The following CCR7 variants were observed in gnomAD, a reference collection of about 807,000 sequenced individuals.
CCR7 encodes the protein C-C chemokine receptor type 7.
A neutral mutation model predicts 26.0 loss-of-function variants in CCR7; 11 were observed. The observed-to-expected ratio is 0.42, with a 90% CI of 0.27 to 0.70. CCR7 has a LOEUF of 0.70. Ranked by LOEUF, CCR7 falls within the 30% of genes least tolerant of loss-of-function variation. The pLI is 0.23. For synonymous variants in CCR7, 189 were observed against 202.1 expected (o/e 0.94, Z 0.55); for missense variants, 360 against 504.0 (o/e 0.71, Z 2.74).
chr17:40,559,726 T>C (rs1163630153), intron 1 of CCR7, among the ~76,000 whole-genome samples: 1 of 152,134 alleles, frequency 6.6e-6, no homozygotes, highest in Non-Finnish European at 1.5e-5. Flanking sequence ...TGCCCCACAA[T>C]TGTGTGCTGA....
chr17:40,554,478 T>G lies in CCR7; in HGVS notation c.*264A>C. ...AGTTTCTGGACTTTCACTTTCAGTTTTTGGTTTAGGGGACAATAGCCTCTG... is the reference window on the plus strand; with the variant it reads ...AGTTTCTGGACTTTCACTTTCAGTTGTTGGTTTAGGGGACAATAGCCTCTG... On this transcript the variant is annotated 3_prime_UTR_variant, in exon 3 of 3. Coordinates refer to ENST00000246657, the MANE Select transcript of CCR7 (RefSeq NM_001838.4). 2.2e-6 allele frequency: 1 copy of G among 456,688 alleles called. No homozygotes were observed. Among genetic ancestry groups the G allele is most frequent in the East Asian group, 3.8e-5 (1 of 26,500 alleles). 28.3% of individuals were successfully genotyped at this position (456,688 alleles called of 1,614,324 possible). A position where few individuals can be genotyped will look rare whatever the true frequency, so the allele number is the denominator to read the frequency against.
chr17:40,560,798 T>G (rs1266346253), intron 1 of CCR7: 1 of 152,208 alleles, frequency 6.6e-6, no homozygotes, highest in Non-Finnish European at 1.5e-5. Context: ...CATTTTCTAT[T>G]CTGGGGACAG....
In CCR7 at chr17:40,555,846, G is replaced by C; in HGVS notation, c.61-28C>G. On this transcript the variant is annotated intron_variant, in intron 2 of 2. Transcript: ENST00000246657. This position sits in a 1 kb window ranked among gnomAD's most constrained non-coding sequence, Gnocchi z 5.6. Reference sequence around the variant, plus strand: ...TCGGGGAAGGAAATGAGGGAAAACAGGCCAGTTTAGCTGGGTGGCTCCAAC... The same window carrying C: ...TCGGGGAAGGAAATGAGGGAAAACACGCCAGTTTAGCTGGGTGGCTCCAAC... 6.5e-7 allele frequency: 1 copy of C among 1,537,902 alleles called. No homozygotes were observed. Among genetic ancestry groups the C allele is most frequent in the East Asian group, 2.3e-5 (1 of 44,442 alleles).
chr17:40,565,217 C>T (rs1438601998), intron 1 of CCR7, among the ~76,000 whole-genome samples, 183 bp downstream of exon 1: 1 of 152,094 alleles, frequency 6.6e-6, no homozygotes, highest in Non-Finnish European at 1.5e-5. Context: ...GCAGGTGCAC[C>T]CCTCCTGGGA....
At position 40,553,888 on chromosome 17, in the gene CCR7, T is replaced by C. The variant is rs978768753; in HGVS notation, c.*854A>G. 3.3e-5 allele frequency: 5 copies of C among 152,104 alleles called. No homozygotes were observed. The highest frequency in any genetic ancestry group is 9.7e-5 in the African/African-American group (4 of 41,436). 9.4% of individuals were successfully genotyped at this position (152,104 alleles called of 1,614,324 possible). A position where few individuals can be genotyped will look rare whatever the true frequency, so the allele number is the denominator to read the frequency against. ...CTCTTAACGAATCGAAAGCAGAACA[T>C]GAGGAGAGGTTTTCAGTCCCTGTGA... On this transcript the variant is annotated 3_prime_UTR_variant, in exon 3 of 3. Coordinates refer to ENST00000246657, the MANE Select transcript of CCR7 (RefSeq NM_001838.4).
chr17:40,557,041 A>G (rs2036594593), intron 2 of CCR7, among the ~76,000 whole-genome samples: 1 of 152,192 alleles, frequency 6.6e-6, no homozygotes, highest in African/African-American at 2.4e-5. Context: ...TGTCCCTGGA[A>G]GGAAGCGCAG....
chr17:40,555,379 T>A lies in CCR7; in HGVS notation c.500A>T (p.His167Leu). ...AIVQAVSAHR[H>L]RARVLLISKL... ...GCTGATGAGAAGGACGCGGGCACGGTGGCGGTGAGCTGAGACAGCCTGGAC... is the reference window on the plus strand; with the variant it reads ...GCTGATGAGAAGGACGCGGGCACGGAGGCGGTGAGCTGAGACAGCCTGGAC... Residue 167 changes from histidine (H) to leucine (L), a missense_variant, in exon 3 of 3, where the codon CAC becomes CTC. Physicochemically the swap from His to Leu is moderately conservative, Grantham distance 99. Coordinates refer to ENST00000246657, the MANE Select transcript of CCR7 (RefSeq NM_001838.4). The surrounding 1 kb of genome is among the most constrained non-coding windows in gnomAD (Gnocchi z 5.6). 5 of 1,614,024 alleles carry A rather than the reference T, an allele frequency of 3.1e-6. No individual in the cohort carries two copies. The highest frequency in any genetic ancestry group is 4.2e-6 in the Non-Finnish European group (5 of 1,180,020).
Position 40,554,327 on chromosome 17 carries a change from C to T in CCR7, c.*415G>A, listed in dbSNP as rs953600163. The T allele has an allele frequency of 1.2e-5, 2 of 163,660 alleles. No individual in the cohort carries two copies. The highest frequency in any genetic ancestry group is 1.9e-4 in the South Asian group (1 of 5,400). 10.1% of individuals were successfully genotyped at this position (163,660 alleles called of 1,614,324 possible). On this transcript the variant is annotated 3_prime_UTR_variant, in exon 3 of 3. Transcript: ENST00000246657. The stretch of plus-strand genomic sequence containing the variant: ...GGTCTTGGAGATAAGGCCTGGTTTT[C>T]GGAAGAGCTGGTCTGAGCATTTGAG...
chr17:40,554,388 T>TCGG lies in CCR7; in HGVS notation c.*353_*354insCCG. On this transcript the variant is annotated 3_prime_UTR_variant, in exon 3 of 3. Coordinates refer to ENST00000246657, the MANE Select transcript of CCR7 (RefSeq NM_001838.4). ...GCCAGAAGGTTCATTCAGAGGACTC[T>TCGG]TCAGGCCACTCCCACGCCCCTTGCA... is the stretch of plus-strand genomic sequence containing the variant. 3 of 240,866 alleles carry TCGG rather than the reference T, an allele frequency of 1.2e-5. No individual in the cohort carries two copies. Among genetic ancestry groups the TCGG allele is most frequent in the South Asian group, 7.6e-5 (1 of 13,188 alleles). The allele number at this position is 240,866 out of a possible 1,614,324, so 14.9% of individuals were successfully genotyped here.
chr17:40,562,482 G>A (rs1169793154), intron 1 of CCR7, among the ~76,000 whole-genome samples: 1 of 151,964 alleles, frequency 6.6e-6, no homozygotes, highest in South Asian at 2.1e-4. Context: ...CAACATCCCG[G>A]CCCCCAAAAG....
chr17:40,558,560 T>C (rs2036617641), intron 2 of CCR7, among the ~76,000 whole-genome samples: 1 of 152,116 alleles, frequency 6.6e-6, no homozygotes, highest in Non-Finnish European at 1.5e-5. Context: ...CCCAGTAACA[T>C]TTTTTGCTTT....
At position 40,565,300 on chromosome 17, in the gene CCR7, CT is replaced by C. The variant is rs1330436502; in HGVS notation, c.10+99del. 3.0e-5 allele frequency: 31 copies of C among 1,034,762 alleles called. No individual in the cohort carries two copies. In the Admixed American group the frequency reaches 4.9e-4, roughly 16 times the overall value. 64.1% of individuals were successfully genotyped at this position (1,034,762 alleles called of 1,614,324 possible). ...GAACTGATTTCTCCAGGAAGCACCC[CT>C]ATGCGCTCCACCCGCATCCTCCACC... is the stretch of plus-strand genomic sequence containing the variant. On this transcript the variant is annotated intron_variant, in intron 1 of 2. Coordinates refer to ENST00000246657, the MANE Select transcript of CCR7 (RefSeq NM_001838.4).
In CCR7 at chr17:40,558,841, T is replaced by C. The variant is rs1404871739; in HGVS notation, c.60+52A>G. ...CAGCTCCTCCACTAAACCCCTGACT[T>C]GGGAGGCCGTGTGGAGAAGGGAACA... is the stretch of plus-strand genomic sequence containing the variant. On this transcript the variant is annotated intron_variant, in intron 2 of 2. Transcript: ENST00000246657. The C allele has an allele frequency of 2.6e-6, 4 of 1,537,754 alleles. No homozygotes were observed. The African/African-American group carries it at 4.1e-5, about 16-fold the overall frequency.
Position 40,558,299 on chromosome 17 carries a change from G to A in CCR7, c.60+594C>T, listed in dbSNP as rs2036614491. On this transcript the variant is annotated intron_variant, in intron 2 of 2. Coordinates refer to ENST00000246657, the MANE Select transcript of CCR7 (RefSeq NM_001838.4). ...GGAGAAACAGAACTTTGTAAAGTGA[G>A]GGTCTTTGTTCCTGCCGAGTTCAGG... Among the ~76,000 whole-genome samples the A allele has an allele frequency of 2.6e-5, 4 of 152,294 alleles. No individual in the cohort carries two copies. In the South Asian group the frequency reaches 8.3e-4, roughly 32 times the overall value.
chr17:40,558,519 A>G (rs1381349110), intron 2 of CCR7, among the ~76,000 whole-genome samples: 2 of 152,206 alleles, frequency 1.3e-5, no homozygotes, highest in Non-Finnish European at 2.9e-5. Flanking sequence ...CGCCAGATCC[A>G]GGGTGATTTT....
In CCR7 at chr17:40,553,839, T is replaced by C. The variant is rs1055868464; in HGVS notation, c.*903A>G. 1.3e-5 allele frequency: 2 copies of C among 152,202 alleles called. No homozygotes were observed. Among genetic ancestry groups the C allele is most frequent in the African/African-American group, 4.8e-5 (2 of 41,444 alleles). The allele number at this position is 152,202 out of a possible 1,614,324, so 9.4% of individuals were successfully genotyped here. ...GTTGTTTCCTCAAGGGAAAACTTTA[T>C]CTGTGTGTGGGTAAAATGTTGCTCT... On this transcript the variant is annotated 3_prime_UTR_variant, in exon 3 of 3. Transcript: ENST00000246657.
chr17:40,555,633 G>T lies in CCR7; in HGVS notation c.246C>A (p.Thr82=). ...GLLGNGLVVL[T]YIYFKRLKTM... is the part of the protein sequence containing the mutation. ...TCTTGAGCCTCTTGAAATAGATATAGGTCAACACGACCAGCCCATTGCCCA... is the reference window on the plus strand; with the variant it reads ...TCTTGAGCCTCTTGAAATAGATATATGTCAACACGACCAGCCCATTGCCCA... Residue 82 remains threonine, a synonymous_variant, in exon 3 of 3, where the codon ACC becomes ACA. Coordinates refer to ENST00000246657, the MANE Select transcript of CCR7 (RefSeq NM_001838.4). This position sits in a 1 kb window ranked among gnomAD's most constrained non-coding sequence, Gnocchi z 5.6. 6.2e-7 allele frequency: 1 copy of T among 1,614,114 alleles called. No individual in the cohort carries two copies. Among genetic ancestry groups the T allele is most frequent in the Non-Finnish European group, 8.5e-7 (1 of 1,180,032 alleles).
At position 40,554,825 on chromosome 17, in the gene CCR7, G is replaced by A. The variant is rs1442681961; in HGVS notation, c.1054C>T (p.Leu352Phe). ...KDLGCLSQEQ[L>F]RQWSSCRHIR... Reference sequence around the variant, plus strand: ...TGCCGACAGGAAGACCACTGCCGGAGCTGCTCCTGGCTGAGGCAGCCCAGG... The same window carrying A: ...TGCCGACAGGAAGACCACTGCCGGAACTGCTCCTGGCTGAGGCAGCCCAGG... The change falls in exon 3 of 3, where the codon CTC becomes TTC. Residue 352 changes from leucine (L) to phenylalanine (F), a missense_variant. By Grantham distance (22) the Leu-to-Phe change is conservative (BLOSUM62 0). Transcript: ENST00000246657. 1.2e-6 allele frequency: 2 copies of A among 1,614,218 alleles called. No homozygotes were observed. Among genetic ancestry groups the A allele is most frequent in the East Asian group, 4.5e-5 (2 of 44,890 alleles).
rs923958590 is a variant in CCR7 at position 40,558,918 on chromosome 17, A to G, written c.35T>C (p.Val12Ala). 8.7e-6 allele frequency: 14 copies of G among 1,613,296 alleles called. No homozygotes were observed. Among genetic ancestry groups the G allele is most frequent in the Non-Finnish European group, 1.0e-5 (12 of 1,179,714 alleles). Reference sequence around the variant, plus strand: ...CTGGAAAATGACAAGGAGAGCCACCACCAGCACGCTTTTCATTGGTTTCCC... The same window carrying G: ...CTGGAAAATGACAAGGAGAGCCACCGCCAGCACGCTTTTCATTGGTTTCCC... ...DLGKPMKSVL[V>A]VALLVIFQVC... The change falls in exon 2 of 3, where the codon GTG becomes GCG. Residue 12 changes from valine to alanine, a missense_variant. By Grantham distance (64) the Val-to-Ala change is moderately conservative (BLOSUM62 0). Transcript: ENST00000246657.
Sources: allele counts gnomAD v4.1 joint callset (sites outside exome capture counted in the v4.1 genomes callset), GRCh38; gene constraint gnomAD v4.1.1; non-coding constraint Gnocchi (gnomAD v3.1); transcripts MANE v1.5; gene names NCBI Gene and HGNC (gene_info 2026-07-23, HGNC 2026-07-21).